Variants in CELF2 observed in about 807,000 individuals in gnomAD.
CELF2 encodes CUGBP Elav-like family member 2, also known as CUG triplet repeat RNA-binding protein 2.
A neutral mutation model predicts 62.6 loss-of-function variants in CELF2; 8 were observed. The ratio of observed to expected loss-of-function variants is 0.13; its 90% CI spans 0.07 to 0.23. The LOEUF is 0.23. Ranked by LOEUF, CELF2 falls within the 10% of genes least tolerant of loss-of-function variation. CELF2 has a pLI of 1.00. For missense variants in CELF2, 333 were observed against 671.0 expected (o/e 0.50, Z 5.56); for synonymous variants, 258 against 250.0 (o/e 1.03, Z -0.30).
intron 9 of CELF2, among the ~76,000 whole-genome samples, chr10:11,293,239 C>T: frequency 6.6e-6 from 1 of 152,230 alleles, no homozygotes; most frequent in East Asian, 1.9e-4. Context: ...ATACTTGTTG[C>T]AGTGCTCATT....
chr10:11,151,579 C>A (rs2063340681), intron 1 of CELF2, among the ~76,000 whole-genome samples: 2 of 152,176 alleles, frequency 1.3e-5, no homozygotes, highest in Admixed American at 1.3e-4. Context: ...ACACAGGGGA[C>A]CCTATGTGTG....
the CELF2 span, among the ~76,000 whole-genome samples, chr10:10,473,155 G>C: frequency 2.0e-5 from 3 of 151,990 alleles, no homozygotes; most frequent in African/African-American, 7.2e-5. Context: ...AGTTAGTTAA[G>C]ATGAAATCAT....
chr10:10,625,154 T>C, the CELF2 span, among the ~76,000 whole-genome samples: 1 of 152,296 alleles, frequency 6.6e-6, no homozygotes, highest in African/African-American at 2.4e-5. Flanking sequence ...TGTAAAAACA[T>C]AGGGAAGGTG....
chr10:10,497,602 A>G, the CELF2 span, among the ~76,000 whole-genome samples: 2 of 152,126 alleles, frequency 1.3e-5, no homozygotes, highest in African/African-American at 4.8e-5. Context: ...TAGTGTCTAG[A>G]TGGGTGGCCA....
intron 1 of CELF2, among the ~76,000 whole-genome samples, chr10:10,886,047 C>A (rs923212331): frequency 6.6e-6 from 1 of 152,212 alleles, no homozygotes; most frequent in East Asian, 1.9e-4. Context: ...CCCACGTGTT[C>A]TAATAATCTG....
intron 1 of CELF2, among the ~76,000 whole-genome samples, chr10:11,130,561 T>G (rs753802063): frequency 3.3e-5 from 5 of 152,236 alleles, no homozygotes; most frequent in African/African-American, 4.8e-5. Flanking sequence ...TAATACATAT[T>G]TGTATTAACG....
chr10:10,778,183 G>A, the CELF2 span, among the ~76,000 whole-genome samples: 4 of 152,248 alleles, frequency 2.6e-5, no homozygotes, highest in South Asian at 6.2e-4. Flanking sequence ...TTTCTTGGTC[G>A]TAGTGAAGGT....
At chr10:11,298,804 A>C (rs1003264147) in intron 9 of CELF2, among the ~76,000 whole-genome samples, 4 of 152,146 alleles carry the variant, frequency 2.6e-5, no homozygotes, top group Non-Finnish European at 5.9e-5. Context: ...AGTGATACGA[A>C]ATACCACAGC....
the CELF2 span, among the ~76,000 whole-genome samples, chr10:10,786,971 A>G: frequency 6.6e-6 from 1 of 151,426 alleles, no homozygotes; most frequent in Non-Finnish European, 1.5e-5. Flanking sequence ...CCCTGTTTTC[A>G]TAGTGAACTC....
chr10:11,307,979 G>A (rs1349953447), intron 9 of CELF2, among the ~76,000 whole-genome samples: 1 of 152,226 alleles, frequency 6.6e-6, no homozygotes, highest in Admixed American at 6.5e-5. Flanking sequence ...GTTCTGCACA[G>A]TGCAAGCTGC....
At chr10:10,515,992 AC>A in the CELF2 span, among the ~76,000 whole-genome samples, 2 of 152,170 alleles carry the variant, frequency 1.3e-5, no homozygotes, top group African/African-American at 4.8e-5. Flanking sequence ...GGTAGTAATA[AC>A]CAGCTCGGGT....
chr10:11,079,741 G>GCC (rs11333486), intron 1 of CELF2, among the ~76,000 whole-genome samples: 9,157 of 110,232 alleles, frequency 0.083, 420 homozygotes, highest in Middle Eastern at 0.11. Context: ...GACTAATACA[G>GCC]CCCCCCCCCC....
the CELF2 span, among the ~76,000 whole-genome samples, chr10:10,691,969 C>A: frequency 6.6e-6 from 1 of 151,902 alleles, no homozygotes; most frequent in Non-Finnish European, 1.5e-5. Context: ...CCTGTTCACT[C>A]TCATGGTAGT....
In CELF2 at chr10:11,335,821, C is replaced by A. The variant is rs756210635; in HGVS notation, c.*6768C>A. ...AGTACATAGTTCCACCATTTTGGCA[C>A]AAGACAAAATACTCATGCTAAGCAA... is the stretch of plus-strand genomic sequence containing the variant. On this transcript the variant is annotated 3_prime_UTR_variant, in exon 13 of 13. Transcript: ENST00000633077. This position sits in a 1 kb window ranked among gnomAD's most constrained non-coding sequence, Gnocchi z 5.0. The A allele has an allele frequency of 1.3e-5, 2 of 152,100 alleles. No individual in the cohort carries two copies. The highest frequency in any genetic ancestry group is 2.4e-5 in the African/African-American group (1 of 41,392). The allele number at this position is 152,100 out of a possible 1,614,324, so 9.4% of individuals were successfully genotyped here. A position where few individuals can be genotyped will look rare whatever the true frequency, so the allele number is the denominator to read the frequency against.
chr10:11,002,473 C>T (rs568984642), upstream of CELF2, among the ~76,000 whole-genome samples: 1 of 152,116 alleles, frequency 6.6e-6, no homozygotes, highest in African/African-American at 2.4e-5. This position sits in a 1 kb window ranked among gnomAD's most constrained non-coding sequence, Gnocchi z 4.4. Context: ...TTTGCTGGGG[C>T]GAGTATGCGG....
At chr10:11,259,758 C>T (rs759206656) in intron 5 of CELF2, among the ~76,000 whole-genome samples, 2 of 152,118 alleles carry the variant, frequency 1.3e-5, no homozygotes, top group African/African-American at 2.4e-5. Flanking sequence ...ACCTGGTGGT[C>T]CAATTCTTCA....
At chr10:10,672,489 C>CTT in the CELF2 span, among the ~76,000 whole-genome samples, 1 of 138,354 alleles carries the variant, frequency 7.2e-6, no homozygotes. Flanking sequence ...GTCTACATTC[C>CTT]TTTTTTTTTT....
the CELF2 span, among the ~76,000 whole-genome samples, chr10:10,723,621 A>C: frequency 6.6e-6 from 1 of 152,184 alleles, no homozygotes; most frequent in Non-Finnish European, 1.5e-5. Flanking sequence ...TTTTTAAAGC[A>C]CATAACTCCA....
chr10:10,601,322 G>T, the CELF2 span, among the ~76,000 whole-genome samples: 2 of 152,192 alleles, frequency 1.3e-5, no homozygotes, highest in African/African-American at 4.8e-5. Context: ...GGGAGAACAG[G>T]GATGGGGACA....
Sources: gnomAD v4.1 joint callset for allele counts (sites outside exome capture counted in the v4.1 genomes callset) on GRCh38, gnomAD v4.1.1 for gene constraint, Gnocchi (gnomAD v3.1) non-coding constraint, MANE v1.5 for transcripts, NCBI Gene and HGNC (gene_info 2026-07-23, HGNC 2026-07-21) for gene names.